CAB39L: variants seen among roughly 807,000 people sequenced by gnomAD.
CAB39L encodes the protein calcium-binding protein 39-like.
Under a neutral mutation model 39.1 loss-of-function variants are expected in CAB39L, and 23 were observed. That is an observed-to-expected ratio of 0.59 (90% CI 0.42 to 0.83). The LOEUF (loss-of-function observed/expected upper bound fraction) is 0.83, where lower values mean the gene tolerates loss of function less well. CAB39L is among the 40% of genes least tolerant of loss of function. The pLI, the probability that CAB39L is intolerant of heterozygous loss-of-function variation, is 0.00. For synonymous variants in CAB39L, 126 were observed against 137.2 expected, an observed-to-expected ratio of 0.92 and a Z score of 0.57; for missense variants, 366 against 391.9, an observed-to-expected ratio of 0.93 and a Z score of 0.56.
chr13:49,348,790 G>A (rs1368552980), intron 7 of CAB39L, among the ~76,000 whole-genome samples: 1 of 152,166 alleles, frequency 6.6e-6, no homozygotes, highest in African/African-American at 2.4e-5. Flanking sequence ...TTTATAGATC[G>A]TGTGCCAGGC....
intron 3 of CAB39L, among the ~76,000 whole-genome samples, chr13:49,418,537 A>G (rs1371980163): frequency 6.6e-6 from 1 of 152,222 alleles, no homozygotes; most frequent in African/African-American, 2.4e-5. Context: ...TCTAGGATAC[A>G]TTAATTCTAT....
chr13:49,433,100 C>T (rs7998464), intron 3 of CAB39L, among the ~76,000 whole-genome samples: 3,099 of 152,244 alleles, frequency 0.02, 120 homozygotes, highest in African/African-American at 0.069. Flanking sequence ...ATTTTTTATA[C>T]TGAATCTAGT....
chr13:49,416,238 G>C (rs76106881), intron 3 of CAB39L, among the ~76,000 whole-genome samples: 3 of 152,182 alleles, frequency 2.0e-5, no homozygotes, highest in Non-Finnish European at 4.4e-5. Flanking sequence ...AAAAAGTAGA[G>C]CCAGTGGCCT....
chr13:49,437,746 T>C (rs1169976177), intron 1 of CAB39L, among the ~76,000 whole-genome samples: 1 of 152,236 alleles, frequency 6.6e-6, no homozygotes, highest in African/African-American at 2.4e-5. Context: ...GTTAACCTAC[T>C]GTTAGTTTAG....
At chr13:49,422,388 C>T (rs1348807392) in intron 3 of CAB39L, among the ~76,000 whole-genome samples, 1 of 152,192 alleles carries the variant, frequency 6.6e-6, no homozygotes, top group African/African-American at 2.4e-5. Flanking sequence ...GCCTGGCCAA[C>T]ATGGCAAAAC....
intron 5 of CAB39L, among the ~76,000 whole-genome samples, chr13:49,361,448 A>G (rs932415760): frequency 7.6e-6 from 1 of 131,750 alleles, no homozygotes; most frequent in African/African-American, 2.9e-5. Context: ...ACTGCACTCC[A>G]GCCCAGGCAA....
rs186190110 is a variant in CAB39L at position 49,402,974 on chromosome 13, C to G, written c.-31-20033G>C. Among the ~76,000 whole-genome samples, 22 of 151,768 alleles carry G rather than the reference C, an allele frequency of 1.4e-4. No individual in the cohort carries two copies. In the East Asian group the frequency reaches 3.7e-3, roughly 25 times the overall value. ...GTGTCTAGTACCTTAGGTTATACTCCGAGAGTTGTAGTATAATTAAAGAAA... is the reference window on the plus strand; with the variant it reads ...GTGTCTAGTACCTTAGGTTATACTCGGAGAGTTGTAGTATAATTAAAGAAA... On this transcript the variant is annotated intron_variant, in intron 3 of 10. Transcript: ENST00000409308.
At position 49,310,729 on chromosome 13, in the gene CAB39L, C is replaced by T. The variant is rs1177296862; in HGVS notation, c.*85G>A. The T allele has an allele frequency of 7.0e-7, 1 of 1,435,376 alleles. No individual in the cohort carries two copies. The highest frequency in any genetic ancestry group is 9.5e-7 in the Non-Finnish European group (1 of 1,055,680). 88.9% of individuals were successfully genotyped at this position (1,435,376 alleles called of 1,614,324 possible). A position where few individuals can be genotyped will look rare whatever the true frequency, so the allele number is the denominator to read the frequency against. Reference sequence around the variant, plus strand: ...AAAAAATAGGCACCTCCAAAGTCTTCCCAAGAATGATGACTTTCTGAAATG... The same window carrying T: ...AAAAAATAGGCACCTCCAAAGTCTTTCCAAGAATGATGACTTTCTGAAATG... On this transcript the variant is annotated 3_prime_UTR_variant, in exon 11 of 11. Transcript: ENST00000409308.
At position 49,309,358 on chromosome 13, in the gene CAB39L, A is replaced by G. The variant is rs1202309490; in HGVS notation, c.*1456T>C. 2 of 152,238 alleles carry G rather than the reference A, an allele frequency of 1.3e-5. No individual in the cohort carries two copies. Among genetic ancestry groups the G allele is most frequent in the African/African-American group, 4.8e-5 (2 of 41,442 alleles). 9.4% of individuals were successfully genotyped at this position (152,238 alleles called of 1,614,324 possible). On this transcript the variant is annotated 3_prime_UTR_variant, in exon 11 of 11. Coordinates refer to ENST00000409308, the MANE Select transcript of CAB39L (RefSeq NM_001079670.3). Reference sequence around the variant, plus strand: ...TGCCCTGCCAGGTAACTCTTCAGGTACAAAATCTACAAAGGGGATCAGTCC... The same window carrying G: ...TGCCCTGCCAGGTAACTCTTCAGGTGCAAAATCTACAAAGGGGATCAGTCC...
intron 3 of CAB39L, among the ~76,000 whole-genome samples, chr13:49,399,525 G>A (rs1049726946): frequency 7.9e-5 from 12 of 151,856 alleles, no homozygotes; most frequent in African/African-American, 2.2e-4. Flanking sequence ...CTACAGCATG[G>A]GTAAAATACA....
At chr13:49,331,909 T>G in intron 10 of CAB39L, 38 bp downstream of exon 10, 1 of 1,600,548 alleles carries the variant, frequency 6.2e-7, no homozygotes, top group Non-Finnish European at 8.5e-7. Flanking sequence ...GGAAAAAAAA[T>G]TGCCTACAAC....
chr13:49,330,262 A>C (rs1954651012), intron 10 of CAB39L, among the ~76,000 whole-genome samples: 1 of 152,136 alleles, frequency 6.6e-6, no homozygotes, highest in Non-Finnish European at 1.5e-5. Context: ...GAATCTGGCC[A>C]CTTTCCTATT....
chr13:49,348,361 A>G (rs1475237243), intron 7 of CAB39L, among the ~76,000 whole-genome samples: 1 of 152,146 alleles, frequency 6.6e-6, no homozygotes. Flanking sequence ...TGAGGTCAGG[A>G]GTTCGAGACC....
intron 4 of CAB39L, 151 bp downstream of exon 4, chr13:49,382,649 G>T: frequency 3.4e-6 from 2 of 582,918 alleles, no homozygotes; most frequent in Non-Finnish European, 6.1e-6. Context: ...ATAATCAGTT[G>T]CATAAAACCT....
Position 49,308,888 on chromosome 13 carries a change from A to G in CAB39L, c.*1926T>C, listed in dbSNP as rs1186726401. 1.3e-5 allele frequency: 2 copies of G among 152,302 alleles called. No homozygotes were observed. Among genetic ancestry groups the G allele is most frequent in the African/African-American group, 2.4e-5 (1 of 41,424 alleles). 9.4% of individuals were successfully genotyped at this position (152,302 alleles called of 1,614,324 possible). A position where few individuals can be genotyped will look rare whatever the true frequency, so the allele number is the denominator to read the frequency against. Reference sequence around the variant, plus strand: ...GTTTGAAAGGTACTGAGCTGGGATAATGGGTTGCTAGGAAAGAGCTAATGC... The same window carrying G: ...GTTTGAAAGGTACTGAGCTGGGATAGTGGGTTGCTAGGAAAGAGCTAATGC... On this transcript the variant is annotated 3_prime_UTR_variant, in exon 11 of 11. Coordinates refer to ENST00000409308, the MANE Select transcript of CAB39L (RefSeq NM_001079670.3).
chr13:49,406,333 A>ATTTTTTTTTTTTTTT (rs34078174), intron 3 of CAB39L, among the ~76,000 whole-genome samples: 1 of 90,614 alleles, frequency 1.1e-5, no homozygotes, highest in Admixed American at 1.2e-4. Flanking sequence ...ATGCCCAGCT[A>ATTTTTTTTTTTTTTT]TTTTTTTTTT....
At chr13:49,409,255 C>CTGCCA (rs1956941978) in intron 3 of CAB39L, among the ~76,000 whole-genome samples, 1 of 152,148 alleles carries the variant, frequency 6.6e-6, no homozygotes. Context: ...TAACCCAACT[C>CTGCCA]TGCCATGCCA....
intron 3 of CAB39L, among the ~76,000 whole-genome samples, chr13:49,410,469 G>A (rs992706022): frequency 6.6e-6 from 1 of 151,290 alleles, no homozygotes; most frequent in African/African-American, 2.4e-5. Flanking sequence ...AAAATTTTAT[G>A]TTGGAGAATC....
intron 10 of CAB39L, among the ~76,000 whole-genome samples, chr13:49,316,350 A>T (rs368003685): frequency 6.6e-6 from 1 of 152,188 alleles, no homozygotes; most frequent in African/African-American, 2.4e-5. Context: ...TCCAACAAAA[A>T]AGAGACCAGG....
Sources: allele counts gnomAD v4.1 joint callset (sites outside exome capture counted in the v4.1 genomes callset), GRCh38; gene constraint gnomAD v4.1.1; transcripts MANE v1.5; gene names NCBI Gene and HGNC (gene_info 2026-07-23, HGNC 2026-07-21).